COA1: variants seen among roughly 807,000 people sequenced by gnomAD.
COA1 encodes cytochrome c oxidase assembly factor 1 homolog.
In COA1, 13 loss-of-function variants were observed where a neutral mutation model predicts 16.0. That is an observed-to-expected ratio of 0.81 (90% CI 0.53 to 1.29). COA1 has a LOEUF of 1.29. Ranked by LOEUF, COA1 falls within the 50% of genes most tolerant of loss-of-function variation. COA1 has a pLI of 0.00. For missense variants in COA1, 179 were observed against 177.0 expected (o/e 1.01, Z -0.06); for synonymous variants, 65 against 65.7 (o/e 0.99, Z 0.05).
At chr7:43,710,394 A>ATTTTT (rs1268788403) in intron 1 of COA1, among the ~76,000 whole-genome samples, 2 of 135,372 alleles carry the variant, frequency 1.5e-5, no homozygotes, top group African/African-American at 5.4e-5. Flanking sequence ...ATATATATAT[A>ATTTTT]TTTTTAAGAT....
chr7:43,684,254 C>T (rs189836416), intron 1 of COA1, among the ~76,000 whole-genome samples: 44 of 152,286 alleles, frequency 2.9e-4, no homozygotes, highest in African/African-American at 9.6e-4. Flanking sequence ...CAACAGGGTT[C>T]GCACTCCTAT....
chr7:43,669,108 G>C (rs1340670536), intron 1 of COA1, among the ~76,000 whole-genome samples: 1 of 152,128 alleles, frequency 6.6e-6, no homozygotes, highest in African/African-American at 2.4e-5. Flanking sequence ...AGAAGCCCTA[G>C]CTGCTGTTCC....
At chr7:43,635,373 GCCC>G (rs927560969), downstream of COA1, among the ~76,000 whole-genome samples, 1 of 152,108 alleles carries the variant, frequency 6.6e-6, no homozygotes, top group Non-Finnish European at 1.5e-5. Flanking sequence ...GTAACAAATA[GCCC>G]CCCATCTTAG....
chr7:43,631,872 A>G (rs1020666808), intron 6 of COA1: 1 of 152,210 alleles, frequency 6.6e-6, no homozygotes, highest in Admixed American at 6.5e-5. Flanking sequence ...GTTTTTTTAA[A>G]TGAGCAGCAG....
At chr7:43,617,351 T>C (rs138154626) in intron 6 of COA1, among the ~76,000 whole-genome samples, 148 of 152,340 alleles carry the variant, frequency 9.7e-4, no homozygotes, top group African/African-American at 3.3e-3. Flanking sequence ...TAGCAAACCT[T>C]TGAAGAGGCC....
intron 1 of COA1, among the ~76,000 whole-genome samples, chr7:43,681,522 A>G (rs1211494900): frequency 2.0e-5 from 3 of 152,208 alleles, no homozygotes; most frequent in Admixed American, 6.5e-5. Flanking sequence ...TCTTTCACAC[A>G]GATTTCTTTC....
At chr7:43,638,443 A>G (rs564930847), downstream of COA1, among the ~76,000 whole-genome samples, 3 of 152,264 alleles carry the variant, frequency 2.0e-5, no homozygotes, top group South Asian at 6.2e-4. Context: ...ATGTTTCCTT[A>G]TAAGACTAAT....
intron 6 of COA1, chr7:43,626,718 T>C (rs967861004): frequency 2.0e-5 from 3 of 152,190 alleles, no homozygotes; most frequent in African/African-American, 7.2e-5. Flanking sequence ...TGTCATCAAG[T>C]TTTAAAATCA....
At chr7:43,698,128 T>G (rs976330328) in intron 1 of COA1, among the ~76,000 whole-genome samples, 1 of 152,168 alleles carries the variant, frequency 6.6e-6, no homozygotes, top group Non-Finnish European at 1.5e-5. Flanking sequence ...TCCAGAAACA[T>G]TAAAGCATAA....
At chr7:43,615,314 T>TAC (rs1226059976) in intron 6 of COA1, among the ~76,000 whole-genome samples, 1 of 152,152 alleles carries the variant, frequency 6.6e-6, no homozygotes, top group Non-Finnish European at 1.5e-5. Context: ...TAGCTGGGAC[T>TAC]ACAGGTGTAC....
At chr7:43,621,622 C>T (rs1417141664) in intron 6 of COA1, among the ~76,000 whole-genome samples, 3 of 152,224 alleles carry the variant, frequency 2.0e-5, no homozygotes, top group Admixed American at 1.3e-4. Flanking sequence ...CACGTGCCAG[C>T]ACAGCGGGCC....
intron 1 of COA1, among the ~76,000 whole-genome samples, chr7:43,669,541 C>T (rs190022579): frequency 7.9e-5 from 12 of 152,168 alleles, no homozygotes; most frequent in Admixed American, 2.0e-4. Flanking sequence ...GTTTTTTCCG[C>T]GGGCTACGTG....
intron 6 of COA1, chr7:43,624,790 T>C: frequency 6.2e-7 from 1 of 1,610,694 alleles, no homozygotes; most frequent in Non-Finnish European, 8.5e-7. Context: ...TCCAAACGAT[T>C]TAAATTTGAG....
At chr7:43,615,092 A>G (rs1175536813) in intron 6 of COA1, among the ~76,000 whole-genome samples, 1 of 152,244 alleles carries the variant, frequency 6.6e-6, no homozygotes, top group Non-Finnish European at 1.5e-5. Flanking sequence ...AATTATGAAT[A>G]TGTATCACTG....
chr7:43,639,744 A>C, intron 5 of COA1, 63 bp from the exon 6 acceptor site: 2 of 1,294,530 alleles, frequency 1.5e-6, no homozygotes, highest in Non-Finnish European at 2.2e-6. Context: ...GCCGTAGTCA[A>C]AAAAAGGGGC....
chr7:43,691,358 AGGG>A (rs2094321749), intron 1 of COA1, among the ~76,000 whole-genome samples: 2 of 64,168 alleles, frequency 3.1e-5, no homozygotes, highest in African/African-American at 1.5e-4. Context: ...GGAGGGAGGG[AGGG>A]AGGGAGGGAG....
At chr7:43,624,542 T>C in intron 6 of COA1, 1 of 1,613,512 alleles carries the variant, frequency 6.2e-7, no homozygotes, top group South Asian at 1.1e-5. Flanking sequence ...CTGAAGAATG[T>C]CTAAAGCACC....
intron 1 of COA1, among the ~76,000 whole-genome samples, chr7:43,677,605 C>T (rs535710980): frequency 1.3e-5 from 2 of 152,110 alleles, no homozygotes; most frequent in South Asian, 4.2e-4. Context: ...TCGAAATCAG[C>T]CTGGCCAACA....
chr7:43,690,675 A>G (rs1390793325), intron 1 of COA1, among the ~76,000 whole-genome samples: 1 of 152,156 alleles, frequency 6.6e-6, no homozygotes, highest in Non-Finnish European at 1.5e-5. Flanking sequence ...CCAAAAACCT[A>G]TTGAAATAGA....
Sources: allele counts gnomAD v4.1 joint callset (sites outside exome capture counted in the v4.1 genomes callset), GRCh38; gene constraint gnomAD v4.1.1; transcripts MANE v1.5; gene names NCBI Gene and HGNC (gene_info 2026-07-23, HGNC 2026-07-21).